The following GALNT1 variants were observed in gnomAD, a reference collection of about 807,000 sequenced individuals.
GALNT1 encodes the protein GalNAc transferase 1.
Under a neutral mutation model 65.7 loss-of-function variants are expected in GALNT1, and 17 were observed. The ratio of observed to expected loss-of-function variants is 0.26; its 90% CI spans 0.18 to 0.39. GALNT1 has a LOEUF of 0.39. Ranked by LOEUF, GALNT1 falls within the 10% of genes least tolerant of loss-of-function variation. The pLI is 1.00. For missense variants in GALNT1, 460 were observed against 672.8 expected (o/e 0.68, Z 3.50); for synonymous variants, 210 against 219.7 (o/e 0.96, Z 0.39).
At chr18:35,623,325 C>T (rs183219537) in intron 1 of GALNT1, among the ~76,000 whole-genome samples, 3 of 150,944 alleles carry the variant, frequency 2.0e-5, no homozygotes, top group African/African-American at 7.3e-5. Context: ...TTTTTTTTTC[C>T]CTGTGGATGC....
chr18:35,586,604 A>ATTGTGTGTGTGT (rs902372202), intron 1 of GALNT1, among the ~76,000 whole-genome samples: 1 of 151,898 alleles, frequency 6.6e-6, no homozygotes, highest in Non-Finnish European at 1.5e-5. Context: ...TTAGGTCAAA[A>ATTGTGTGTGTGT]TTGTGTGTGT....
rs909554257 is a variant in GALNT1, at chr18:35,627,944, C to T, written c.-103-26616C>T. Among the ~76,000 whole-genome samples the T allele has an allele frequency of 2.9e-5, 4 of 139,394 alleles. No homozygotes were observed. In the Admixed American group the frequency reaches 2.9e-4, roughly 10 times the overall value. The allele number at this position is 139,394 out of a possible 152,430, so 91.4% of individuals were successfully genotyped here. A position where few individuals can be genotyped will look rare whatever the true frequency, so the allele number is the denominator to read the frequency against. ...ATATCCCGTGCCTGGCTCGGAGGGT[C>T]CTACGCCCACGGAGCCTCGCTCATT... On this transcript the variant is annotated intron_variant, in intron 1 of 11. Coordinates refer to ENST00000269195, the MANE Select transcript of GALNT1 (RefSeq NM_020474.4).
At chr18:35,661,922 T>TAATC (rs1475612766) in intron 2 of GALNT1, among the ~76,000 whole-genome samples, 15 of 152,192 alleles carry the variant, frequency 9.9e-5, no homozygotes, top group African/African-American at 3.6e-4. Context: ...AGGATATTTA[T>TAATC]AATCAGGGCC....
rs148530319 is a variant in GALNT1 at position 35,624,339 on chromosome 18, G to T, written c.-103-30221G>T. 3.4e-3 allele frequency among the ~76,000 whole-genome samples: 525 copies of T among 152,316 alleles called. 7 individuals are homozygous for T. The highest frequency in any genetic ancestry group is 0.012 in the African/African-American group (502 of 41,564). ...TCTTGAGTTTCAGTAACTCTGCACA[G>T]TGTAGGCTGGTAACTGCTGTTATTT... On this transcript the variant is annotated intron_variant, in intron 1 of 11. Transcript: ENST00000269195.
chr18:35,594,408 G>A (rs1325824922), intron 1 of GALNT1, among the ~76,000 whole-genome samples: 1 of 152,122 alleles, frequency 6.6e-6, no homozygotes, highest in Admixed American at 6.6e-5. Flanking sequence ...CTGAGGATGT[G>A]CACAAGGGAA....
intron 1 of GALNT1, among the ~76,000 whole-genome samples, chr18:35,644,535 C>T (rs1444018014): frequency 1.3e-5 from 2 of 152,162 alleles, no homozygotes; most frequent in Non-Finnish European, 2.9e-5. Flanking sequence ...TCTACATATT[C>T]ACTTTTATAT....
At chr18:35,613,228 T>C (rs1160515699) in intron 1 of GALNT1, among the ~76,000 whole-genome samples, 2 of 152,320 alleles carry the variant, frequency 1.3e-5, no homozygotes, top group African/African-American at 4.8e-5. Context: ...CTAGAATATA[T>C]TTGTTAATTC....
intron 2 of GALNT1, 79 bp from the exon 3 acceptor site, chr18:35,663,549 C>T: frequency 6.9e-7 from 1 of 1,443,266 alleles, no homozygotes; most frequent in Non-Finnish European, 9.4e-7. Flanking sequence ...ACAGTTCAAA[C>T]ACAAATGTTA....
At chr18:35,623,486 G>GT (rs1429285986) in intron 1 of GALNT1, among the ~76,000 whole-genome samples, 1 of 152,038 alleles carries the variant, frequency 6.6e-6, no homozygotes, top group East Asian at 1.9e-4. Context: ...ATTTTCAGGG[G>GT]TTTTTTTCAT....
At chr18:35,702,002 C>G (rs112860749) in intron 9 of GALNT1, among the ~76,000 whole-genome samples, 13 of 152,126 alleles carry the variant, frequency 8.5e-5, no homozygotes, top group African/African-American at 2.7e-4. Context: ...ACATTACCCC[C>G]CCAGTTCCTG....
intron 4 of GALNT1, among the ~76,000 whole-genome samples, chr18:35,678,378 C>G (rs763405139): frequency 6.6e-6 from 1 of 152,074 alleles, no homozygotes; most frequent in African/African-American, 2.4e-5. Flanking sequence ...GAATTTTTCA[C>G]AAGGCTAAAA....
upstream of GALNT1, chr18:35,581,234 T>G (rs114395539): frequency 0.056 from 8,466 of 151,798 alleles, 270 homozygotes; most frequent in South Asian, 0.072. Context: ...TTTAACTTGC[T>G]GCGGCAGCCT....
chr18:35,583,762 C>T (rs1300576796), intron 1 of GALNT1, among the ~76,000 whole-genome samples: 2 of 152,112 alleles, frequency 1.3e-5, no homozygotes, highest in East Asian at 3.9e-4. Flanking sequence ...CAAGGTAATT[C>T]TCATGACATC....
intron 1 of GALNT1, among the ~76,000 whole-genome samples, chr18:35,649,425 A>T (rs545608609): frequency 1.2e-4 from 19 of 152,106 alleles, no homozygotes; most frequent in Non-Finnish European, 2.6e-4. Flanking sequence ...AAAGTTTTTT[A>T]TATATTCCGG....
At position 35,703,397 on chromosome 18, in the gene GALNT1, T is replaced by TAC. The variant is rs2048200010; in HGVS notation, c.1399-110_1399-109dup. On this transcript the variant is annotated intron_variant, in intron 10 of 11. Transcript: ENST00000269195. The stretch of plus-strand genomic sequence containing the variant: ...TTTATTCTTCATTACTTTAATAAAG[T>TAC]ACATAAATCATGTACCTTGAAATAC... 4.1e-6 allele frequency: 4 copies of TAC among 965,530 alleles called. No homozygotes were observed. In the South Asian group the frequency reaches 6.8e-5, roughly 16 times the overall value. The allele number at this position is 965,530 out of a possible 1,614,324, so 59.8% of individuals were successfully genotyped here. A position where few individuals can be genotyped will look rare whatever the true frequency, so the allele number is the denominator to read the frequency against.
At chr18:35,598,044 C>G (rs1434577956) in intron 1 of GALNT1, among the ~76,000 whole-genome samples, 2 of 123,592 alleles carry the variant, frequency 1.6e-5, no homozygotes, top group Non-Finnish European at 3.4e-5. Flanking sequence ...ATCCCCTCCC[C>G]TCCCTTCTCT....
intron 1 of GALNT1, among the ~76,000 whole-genome samples, chr18:35,592,839 T>C (rs2143879983): frequency 6.6e-6 from 1 of 152,300 alleles, no homozygotes; most frequent in South Asian, 2.1e-4. Context: ...TGTTTTTCTT[T>C]ATCATCATAT....
chr18:35,620,221 G>A lies in GALNT1; in HGVS notation c.-103-34339G>A, dbSNP rs576664890. On this transcript the variant is annotated intron_variant, in intron 1 of 11. Coordinates refer to ENST00000269195, the MANE Select transcript of GALNT1 (RefSeq NM_020474.4). Reference sequence around the variant, plus strand: ...AAAGAAGGTCCTTGCAGCTCCATCCGTTGTGTTTGTTTTTCAGGCAGCAGA... The same window carrying A: ...AAAGAAGGTCCTTGCAGCTCCATCCATTGTGTTTGTTTTTCAGGCAGCAGA... 6.2e-4 allele frequency among the ~76,000 whole-genome samples: 94 copies of A among 152,234 alleles called. No individual in the cohort carries two copies. The Middle Eastern group carries it at 0.037, about 61-fold the overall frequency.
At chr18:35,672,217 G>T (rs898664388) in intron 3 of GALNT1, among the ~76,000 whole-genome samples, 4 of 152,222 alleles carry the variant, frequency 2.6e-5, no homozygotes, top group Admixed American at 2.6e-4. Context: ...TACAGAGAAG[G>T]CCTCTGTTCA....
Sources: gnomAD v4.1 joint callset for allele counts (sites outside exome capture counted in the v4.1 genomes callset) on GRCh38, gnomAD v4.1.1 for gene constraint, MANE v1.5 for transcripts, NCBI Gene and HGNC (gene_info 2026-07-23, HGNC 2026-07-21) for gene names.